RTN4: variants seen among roughly 807,000 people sequenced by gnomAD.
RTN4 encodes reticulon 4.
Under a neutral mutation model 90.4 loss-of-function variants are expected in RTN4, and 32 were observed. The observed-to-expected ratio is 0.35, with a 90% CI of 0.27 to 0.48. The LOEUF (loss-of-function observed/expected upper bound fraction) is 0.48. Ranked by LOEUF, RTN4 falls within the 20% of genes least tolerant of loss-of-function variation. The pLI is 0.99. For synonymous variants in RTN4, 629 were observed against 552.5 expected, an observed-to-expected ratio of 1.14 and a Z score of -1.94; for missense variants, 1,706 against 1,430.2, an observed-to-expected ratio of 1.19 and a Z score of -3.11.
intron 3 of RTN4, among the ~76,000 whole-genome samples, chr2:55,016,370 G>A (rs1425578584): frequency 6.6e-6 from 1 of 152,138 alleles, no homozygotes; most frequent in African/African-American, 2.4e-5. Flanking sequence ...ATCACTTAAG[G>A]TCAGGAGTTC....
chr2:55,046,389 C>T (rs1667728970), intron 1 of RTN4, among the ~76,000 whole-genome samples: 1 of 152,186 alleles, frequency 6.6e-6, no homozygotes, highest in Non-Finnish European at 1.5e-5. Context: ...GTTTTTCTCA[C>T]TAGTCTTACA....
At chr2:55,038,067 C>A (rs2920892) in intron 1 of RTN4, among the ~76,000 whole-genome samples, 3 of 152,018 alleles carry the variant, frequency 2.0e-5, no homozygotes, top group African/African-American at 7.2e-5. Context: ...GGGAAAACTG[C>A]TTATTATATG....
intron 1 of RTN4, among the ~76,000 whole-genome samples, chr2:55,112,082 C>T (rs762237437): frequency 1.3e-5 from 2 of 152,174 alleles, no homozygotes; most frequent in African/African-American, 2.4e-5. Context: ...CCAGAAAGAG[C>T]GTGCCTTGGC....
chr2:55,016,589 A>G (rs1387209176), intron 3 of RTN4, among the ~76,000 whole-genome samples: 1 of 152,228 alleles, frequency 6.6e-6, no homozygotes, highest in Admixed American at 6.5e-5. Flanking sequence ...GTCTCAAACA[A>G]AAACAAAAAC....
chr2:54,984,692 C>T (rs1393594039), intron 4 of RTN4, among the ~76,000 whole-genome samples: 2 of 152,192 alleles, frequency 1.3e-5, no homozygotes, highest in Non-Finnish European at 2.9e-5. Context: ...TAGATACAAA[C>T]CACATAATAT....
At chr2:55,136,855 T>C in the RTN4 span, among the ~76,000 whole-genome samples, 1 of 152,240 alleles carries the variant, frequency 6.6e-6, no homozygotes, top group South Asian at 2.1e-4. Flanking sequence ...GCCTACTTAA[T>C]TGAATTCAGC....
At chr2:55,077,343 G>A (rs879491945) in intron 2 of RTN4, among the ~76,000 whole-genome samples, 1 of 152,032 alleles carries the variant, frequency 6.6e-6, no homozygotes, top group Non-Finnish European at 1.5e-5. Flanking sequence ...GCATGAGAAC[G>A]GACTAATATA....
At chr2:55,013,491 G>A (rs1355346727) in intron 3 of RTN4, among the ~76,000 whole-genome samples, 1 of 151,080 alleles carries the variant, frequency 6.6e-6, no homozygotes, top group Non-Finnish European at 1.5e-5. Flanking sequence ...CCAAACCCTC[G>A]TTTCCTTCAT....
At chr2:55,032,601 CTT>C (rs1682396657) in intron 1 of RTN4, among the ~76,000 whole-genome samples, 1 of 151,992 alleles carries the variant, frequency 6.6e-6, no homozygotes, top group East Asian at 1.9e-4. Flanking sequence ...GATAAACAAA[CTT>C]AAAAAACAAC....
At chr2:55,100,292 T>C (rs1667829528) in intron 1 of RTN4, among the ~76,000 whole-genome samples, 1 of 152,094 alleles carries the variant, frequency 6.6e-6, no homozygotes. Flanking sequence ...CGTCTTGTCT[T>C]TCCTAGTTGA....
intron 3 of RTN4, among the ~76,000 whole-genome samples, chr2:55,021,399 C>T (rs564620351): frequency 2.0e-5 from 3 of 150,976 alleles, no homozygotes; most frequent in South Asian, 4.2e-4. Context: ...CTGCCCCCCC[C>T]GCCAAAAAAA....
rs1668027245 is a variant in RTN4 at position 55,050,193 on chromosome 2, T to C, written c.108A>G (p.Glu36=). The change falls in exon 1 of 9, where the codon GAA becomes GAG. Residue 36 remains glutamate, a synonymous_variant. Transcript: ENST00000337526. The surrounding 1 kb of genome is among the most constrained non-coding windows in gnomAD (Gnocchi z 4.6). ...CGTCCTCCTCTTCCTCCTCCTCTTC[T>C]TCCTCCTCGTCCTCGGGCTCCCTCA... ...QFVREPEDEE[E]EEEEEEEDED... The C allele has an allele frequency of 6.4e-7, 1 of 1,570,536 alleles. No homozygotes were observed. Among genetic ancestry groups the C allele is most frequent in the Non-Finnish European group, 8.6e-7 (1 of 1,163,094 alleles).
At chr2:55,103,671 C>T (rs998246046) in intron 1 of RTN4, among the ~76,000 whole-genome samples, 1 of 152,040 alleles carries the variant, frequency 6.6e-6, no homozygotes, top group African/African-American at 2.4e-5. Context: ...GACTTCTATA[C>T]AGTTGTATAC....
chr2:55,136,777 T>C, the RTN4 span, among the ~76,000 whole-genome samples: 1 of 152,258 alleles, frequency 6.6e-6, no homozygotes, highest in South Asian at 2.1e-4. Context: ...TGACTCGCAT[T>C]ATTTCTATTG....
At position 55,025,899 on chromosome 2, in the gene RTN4, G is replaced by C. The variant is rs145160466; in HGVS notation, c.2200C>G (p.Leu734Val). ...GAATCAGGTGAGGAATCTTCAACTA[G>C]CTCAGAATGATCAGGCACTGGCTGT... ...VEQPVPDHSELVEDSSPDSEP... is the reference protein window; with the variant it reads ...VEQPVPDHSEVVEDSSPDSEP... Residue 734 changes from leucine (L) to valine (V), a missense_variant, in exon 3 of 9, where the codon CTA (leucine) becomes GTA (valine). Transcript: ENST00000337526. The C allele has an allele frequency of 1.9e-6, 3 of 1,613,612 alleles. No individual in the cohort carries two copies. Among genetic ancestry groups the C allele is most frequent in the Non-Finnish European group, 2.5e-6 (3 of 1,179,872 alleles).
At chr2:55,022,896 A>AAC (rs150779063) in intron 3 of RTN4, among the ~76,000 whole-genome samples, 6,450 of 137,440 alleles carry the variant, frequency 0.047, 212 homozygotes, top group Admixed American at 0.082. Context: ...TTCAACATCC[A>AAC]ACACACACAC....
At position 55,077,756 on chromosome 2, in the gene RTN4, T is replaced by TACACACACACACACAC. The variant is rs200121610; in HGVS notation, c.-63+2717_-63+2732dup. Among the ~76,000 whole-genome samples, 356 of 144,462 alleles carry TACACACACACACACAC rather than the reference T, an allele frequency of 2.5e-3. 1 individual carries two copies. Among genetic ancestry groups the TACACACACACACACAC allele is most frequent in the African/African-American group, 8.6e-3 (333 of 38,846 alleles). The allele number at this position is 144,462 out of a possible 152,430, so 94.8% of individuals were successfully genotyped here. On this transcript the variant is annotated intron_variant, in intron 2 of 3. Coordinates refer to the RTN4 transcript ENST00000427710. The stretch of plus-strand genomic sequence containing the variant: ...ACAAGTGGATAAAGAAAATGTTTTA[T>TACACACACACACACAC]ACACACACACACACACACACACACA...
upstream of RTN4, among the ~76,000 whole-genome samples, chr2:55,113,481 C>T (rs936319736): frequency 1.3e-5 from 2 of 152,226 alleles, no homozygotes; most frequent in African/African-American, 4.8e-5. Context: ...AAGCTTCTGT[C>T]TGTCTCTCTG....
the RTN4 span, among the ~76,000 whole-genome samples, chr2:55,121,313 A>G: frequency 3.9e-5 from 6 of 152,374 alleles, no homozygotes; most frequent in East Asian, 1.2e-3. Flanking sequence ...GAGGAAGCTC[A>G]GGGAGCTATG....
Sources: gnomAD v4.1 joint callset for allele counts (sites outside exome capture counted in the v4.1 genomes callset) on GRCh38, gnomAD v4.1.1 for gene constraint, Gnocchi (gnomAD v3.1) non-coding constraint, MANE v1.5 for transcripts, NCBI Gene and HGNC (gene_info 2026-07-23, HGNC 2026-07-21) for gene names.